The following RPS6KA3 variants were observed in gnomAD, a reference collection of about 807,000 sequenced individuals.
RPS6KA3 encodes the protein ribosomal protein S6 kinase alpha-3.
A neutral mutation model predicts 67.2 loss-of-function variants in RPS6KA3; 4 were observed. That is an observed-to-expected ratio of 0.06 (90% CI 0.03 to 0.14). RPS6KA3 has a LOEUF of 0.14. Among genes scored for constraint, RPS6KA3 ranks in the 10% least tolerant of loss-of-function variants. RPS6KA3 has a pLI of 1.00. For synonymous variants in RPS6KA3, 182 were observed against 183.7 expected (o/e 0.99, Z 0.07); for missense variants, 204 against 559.0 (o/e 0.36, Z 6.40).
chrX:20,219,361 C>T (rs111622283), intron 2 of RPS6KA3, among the ~76,000 whole-genome samples: 1 of 111,746 alleles, frequency 8.9e-6, no homozygotes, highest in Non-Finnish European at 1.9e-5. Context: ...AGGTTATACA[C>T]AGGCATGTCA....
At chrX:20,157,949 T>C (rs1308193268) in intron 20 of RPS6KA3, among the ~76,000 whole-genome samples, 1 of 111,514 alleles carries the variant, frequency 9.0e-6, no homozygotes, top group Non-Finnish European at 1.9e-5. Flanking sequence ...CTGTAAGCCA[T>C]ATTTGCAAAC....
In RPS6KA3 at chrX:20,165,146, A is replaced by G. The variant is rs751177474; in HGVS notation, c.1603-86T>C. 4.2e-6 allele frequency: 3 copies of G among 716,715 alleles called. No homozygotes were observed. The South Asian group carries it at 6.6e-5, about 16-fold the overall frequency. The allele number at this position is 716,715 out of a possible 1,213,427, so 59.1% of individuals were successfully genotyped here. A position where few individuals can be genotyped will look rare whatever the true frequency, so the allele number is the denominator to read the frequency against. On this transcript the variant is annotated intron_variant, in intron 17 of 21. Transcript: ENST00000379565. ...TTATTCACAAACTGTCAAGCAATGC[A>G]CTTAACAAGATGATGAGTGCTGACC...
At chrX:20,185,901 C>T (rs1474755561) in intron 10 of RPS6KA3, among the ~76,000 whole-genome samples, 1 of 112,050 alleles carries the variant, frequency 8.9e-6, no homozygotes, top group African/African-American at 3.2e-5. Context: ...TATACTACAG[C>T]CAACACTCTA....
chrX:20,194,005 T>C (rs771500729), intron 6 of RPS6KA3, among the ~76,000 whole-genome samples, 184 bp downstream of exon 6: 1 of 112,634 alleles, frequency 8.9e-6, no homozygotes, highest in East Asian at 2.8e-4. Context: ...TGTTTATTTG[T>C]CAATTTAAAG....
At chrX:20,165,599 A>G (rs983295805) in intron 17 of RPS6KA3, among the ~76,000 whole-genome samples, 1 of 112,026 alleles carries the variant, frequency 8.9e-6, no homozygotes, top group Non-Finnish European at 1.9e-5. Context: ...TGAATGAGCC[A>G]TAAGAACAGT....
At chrX:20,173,116 CAGAAAAAGCAGAGCTACTTGATATG>C (rs1370889458) in intron 14 of RPS6KA3, among the ~76,000 whole-genome samples, 2 of 112,117 alleles carry the variant, frequency 1.8e-5, no homozygotes, top group Non-Finnish European at 3.8e-5. Context: ...ATTTGCACAA[CAGAAAAAGCAGAGCTACTTGATATG>C]GGGCCTACAT....
At chrX:20,160,671 C>T (rs2067284956) in intron 20 of RPS6KA3, among the ~76,000 whole-genome samples, 1 of 111,511 alleles carries the variant, frequency 9.0e-6, no homozygotes. Context: ...TCAAGTGATC[C>T]GCCCACCTCG....
At chrX:20,218,494 T>C (rs1379313421) in intron 2 of RPS6KA3, among the ~76,000 whole-genome samples, 1 of 111,504 alleles carries the variant, frequency 9.0e-6, no homozygotes, top group Non-Finnish European at 1.9e-5. Flanking sequence ...AGAGTTACAG[T>C]CATTTGTTTT....
At chrX:20,196,135 C>T (rs2148705251) in intron 4 of RPS6KA3, among the ~76,000 whole-genome samples, 1 of 112,063 alleles carries the variant, frequency 8.9e-6, no homozygotes, top group East Asian at 2.8e-4. Context: ...GAAGGATAGG[C>T]CCTAGAAAAC....
intron 10 of RPS6KA3, among the ~76,000 whole-genome samples, chrX:20,183,645 T>C (rs1036226656): frequency 8.9e-6 from 1 of 112,229 alleles, no homozygotes; most frequent in Non-Finnish European, 1.9e-5. Context: ...CAATGCTGTA[T>C]TATCTTAGTT....
chrX:20,262,859 T>C (rs1285305220), intron 1 of RPS6KA3, among the ~76,000 whole-genome samples: 2 of 111,733 alleles, frequency 1.8e-5, no homozygotes, highest in Non-Finnish European at 3.8e-5. Context: ...TATATAATAT[T>C]GATATAGTAG....
In RPS6KA3 at chrX:20,196,460, G is replaced by A. The variant is rs1250054294; in HGVS notation, c.326-1315C>T. Among the ~76,000 whole-genome samples, 4 of 112,332 alleles carry A rather than the reference G, an allele frequency of 3.6e-5. No individual in the cohort carries two copies. The East Asian group carries it at 1.1e-3, about 31-fold the overall frequency. ...AATAAATGATTATAATACATTCTAAGTACTCTGAATGGTTATATGAAACAT... is the reference window on the plus strand; with the variant it reads ...AATAAATGATTATAATACATTCTAAATACTCTGAATGGTTATATGAAACAT... On this transcript the variant is annotated intron_variant, in intron 4 of 21. Transcript: ENST00000379565.
chrX:20,255,562 G>A (rs1205015290), intron 1 of RPS6KA3, among the ~76,000 whole-genome samples: 4 of 110,803 alleles, frequency 3.6e-5, no homozygotes, highest in South Asian at 7.4e-4. Context: ...CAAGGCGGGC[G>A]GATCACCTGA....
intron 13 of RPS6KA3, 90 bp downstream of exon 13, chrX:20,176,160 C>T (rs940462815): frequency 1.3e-5 from 8 of 617,631 alleles, no homozygotes; most frequent in South Asian, 7.0e-5. Context: ...TGTGAGCCAC[C>T]GCGCCCAGAG....
At chrX:20,213,857 T>C (rs936792300) in intron 2 of RPS6KA3, among the ~76,000 whole-genome samples, 1 of 110,596 alleles carries the variant, frequency 9.0e-6, no homozygotes, top group East Asian at 2.8e-4. Context: ...CATGACAATA[T>C]ATGGTTCAAA....
At chrX:20,237,345 A>G (rs760760724) in intron 1 of RPS6KA3, among the ~76,000 whole-genome samples, 1 of 111,759 alleles carries the variant, frequency 8.9e-6, no homozygotes, top group South Asian at 3.7e-4. Context: ...TAGAACCCTC[A>G]GTCTAACTTG....
intron 2 of RPS6KA3, chrX:20,218,983 A>G (rs182509142): frequency 2.2e-6 from 1 of 447,615 alleles, no homozygotes; most frequent in East Asian, 3.9e-5. Flanking sequence ...TGAAAATGCT[A>G]GAAAAAGAGG....
intron 20 of RPS6KA3, among the ~76,000 whole-genome samples, chrX:20,160,222 G>C (rs746868726): frequency 9.0e-6 from 1 of 111,511 alleles, no homozygotes; most frequent in South Asian, 3.7e-4. Flanking sequence ...GTATATTTTT[G>C]GCTGTCTCCC....
chrX:20,216,788 A>G (rs2068865194), intron 2 of RPS6KA3, among the ~76,000 whole-genome samples: 1 of 111,012 alleles, frequency 9.0e-6, no homozygotes, highest in African/African-American at 3.3e-5. Context: ...GAGGTAGAGA[A>G]GAATGAGGTC....
Sources: allele counts gnomAD v4.1 joint callset (sites outside exome capture counted in the v4.1 genomes callset), GRCh38; gene constraint gnomAD v4.1.1; transcripts MANE v1.5; gene names NCBI Gene and HGNC (gene_info 2026-07-23, HGNC 2026-07-21).